Variants in ST7 observed in about 807,000 individuals in gnomAD.
ST7 encodes the protein suppressor of tumorigenicity 7 protein.
Under a neutral mutation model 78.7 loss-of-function variants are expected in ST7, and 28 were observed. That is an observed-to-expected ratio of 0.36 (90% CI 0.26 to 0.49). The LOEUF (loss-of-function observed/expected upper bound fraction) is 0.49. Ranked by LOEUF, ST7 falls within the 20% of genes least tolerant of loss-of-function variation. The pLI, the probability that ST7 is intolerant of heterozygous loss-of-function variation, is 0.99. For synonymous variants in ST7, 247 were observed against 249.6 expected (o/e 0.99, Z 0.10); for missense variants, 418 against 696.0 (o/e 0.60, Z 4.49).
chr7:117,131,821 C>T (rs1039548932), intron 5 of ST7, 64 bp from the exon 6 acceptor site: 7 of 1,407,786 alleles, frequency 5.0e-6, no homozygotes, highest in Non-Finnish European at 6.0e-6. Context: ...AGCTCTTGTC[C>T]TCTACTGAGT....
chr7:117,198,826 G>A (rs964470403), intron 12 of ST7, among the ~76,000 whole-genome samples: 1 of 151,840 alleles, frequency 6.6e-6, no homozygotes, highest in Admixed American at 6.6e-5. Context: ...ATAGAGCCAG[G>A]TGTCCCCACT....
chr7:117,110,441 G>C (rs1287490476), intron 2 of ST7, among the ~76,000 whole-genome samples: 1 of 152,104 alleles, frequency 6.6e-6, no homozygotes, highest in East Asian at 1.9e-4. Flanking sequence ...CGTACAACAG[G>C]GTCATTGCTA....
intron 2 of ST7, among the ~76,000 whole-genome samples, chr7:117,100,892 T>C (rs775156281): frequency 6.6e-6 from 1 of 152,130 alleles, no homozygotes; most frequent in Non-Finnish European, 1.5e-5. Flanking sequence ...GATTAAATTA[T>C]AGAAACAAGC....
chr7:117,204,277 C>A (rs569561024), intron 12 of ST7, among the ~76,000 whole-genome samples: 1 of 152,164 alleles, frequency 6.6e-6, no homozygotes, highest in African/African-American at 2.4e-5. Context: ...ATTCAATGCA[C>A]GCTTATATGC....
chr7:116,972,520 T>G (rs1293128913), intron 1 of ST7: 247 of 1,081,192 alleles, frequency 2.3e-4, no homozygotes, highest in Non-Finnish European at 3.1e-4. Context: ...CACCAACTTA[T>G]GAGCTACCTC....
intron 1 of ST7, among the ~76,000 whole-genome samples, chr7:117,040,385 G>T (rs912516420): frequency 6.6e-6 from 1 of 151,894 alleles, no homozygotes; most frequent in East Asian, 1.9e-4. Flanking sequence ...AAAAAAAAGA[G>T]TTAGAAACAT....
chr7:117,011,134 T>TTGTG (rs147299288), intron 1 of ST7, among the ~76,000 whole-genome samples: 112 of 151,114 alleles, frequency 7.4e-4, no homozygotes, highest in African/African-American at 2.1e-3. Context: ...TTTAAGTATT[T>TTGTG]TGTGTGTGTG....
chr7:117,050,090 C>T (rs887625428), intron 1 of ST7, among the ~76,000 whole-genome samples: 1 of 151,564 alleles, frequency 6.6e-6, no homozygotes, highest in African/African-American at 2.4e-5. Context: ...TGGCAGGCAC[C>T]TGTAGTCCCA....
chr7:117,223,170 C>T, intron 15 of ST7: 1 of 590,632 alleles, frequency 1.7e-6, no homozygotes, highest in South Asian at 2.0e-5. Context: ...ACTAGGCCTT[C>T]AGTAAATGTG....
At chr7:116,975,065 C>T (rs113069668) in intron 1 of ST7, among the ~76,000 whole-genome samples, 5,499 of 152,136 alleles carry the variant, frequency 0.036, 342 homozygotes, top group African/African-American at 0.12. Context: ...AAGAAATACC[C>T]GAGACTGGGT....
chr7:117,167,967 C>T (rs916342637), intron 9 of ST7, among the ~76,000 whole-genome samples: 7 of 152,044 alleles, frequency 4.6e-5, no homozygotes, highest in Admixed American at 1.3e-4. Context: ...TAAACAGAGC[C>T]AAGGAAGTTG....
intron 1 of ST7, among the ~76,000 whole-genome samples, chr7:117,070,364 C>G (rs755242812): frequency 6.6e-6 from 1 of 152,122 alleles, no homozygotes; most frequent in Non-Finnish European, 1.5e-5. Context: ...CACCATTTTC[C>G]AAATTATATT....
At chr7:116,980,160 T>C (rs1793893863) in intron 1 of ST7, among the ~76,000 whole-genome samples, 1 of 151,986 alleles carries the variant, frequency 6.6e-6, no homozygotes, top group Non-Finnish European at 1.5e-5. Context: ...AGTTTCGCCA[T>C]GTTGGCCAGG....
intron 1 of ST7, among the ~76,000 whole-genome samples, chr7:117,002,282 C>T (rs1001463881): frequency 6.6e-6 from 1 of 151,954 alleles, no homozygotes; most frequent in Non-Finnish European, 1.5e-5. Context: ...TTTTTAGAGA[C>T]AGGTCTCTCT....
At chr7:117,023,982 G>T (rs541635156) in intron 1 of ST7, among the ~76,000 whole-genome samples, 2 of 152,062 alleles carry the variant, frequency 1.3e-5, no homozygotes, top group South Asian at 4.2e-4. Flanking sequence ...GCTAATTTTT[G>T]TATTTTTGTT....
chr7:117,103,163 A>G (rs1205409363), intron 2 of ST7, among the ~76,000 whole-genome samples: 1 of 152,172 alleles, frequency 6.6e-6, no homozygotes. Flanking sequence ...CTGTGAATAA[A>G]TTTTATAATA....
intron 1 of ST7, among the ~76,000 whole-genome samples, chr7:116,956,195 GA>G (rs1792468522): frequency 6.6e-6 from 1 of 152,168 alleles, no homozygotes. Context: ...GTTATAGTAG[GA>G]AAACTGCCAA....
intron 9 of ST7, among the ~76,000 whole-genome samples, chr7:117,151,920 G>C (rs1806275532): frequency 6.6e-6 from 1 of 151,932 alleles, no homozygotes; most frequent in African/African-American, 2.4e-5. Flanking sequence ...AGGCATTTGA[G>C]ACCAGTCTGG....
chr7:117,104,275 T>C (rs1801789374), intron 2 of ST7, among the ~76,000 whole-genome samples: 1 of 152,196 alleles, frequency 6.6e-6, no homozygotes, highest in Non-Finnish European at 1.5e-5. Context: ...ACCCTGTGTC[T>C]ACTAAAAATA....
Sources: gnomAD v4.1 joint callset for allele counts (sites outside exome capture counted in the v4.1 genomes callset) on GRCh38, gnomAD v4.1.1 for gene constraint, MANE v1.5 for transcripts, NCBI Gene and HGNC (gene_info 2026-07-23, HGNC 2026-07-21) for gene names.